LDLRAD4: variants seen among roughly 807,000 people sequenced by gnomAD.
The protein encoded by LDLRAD4 is low density lipoprotein receptor class A domain containing 4.
In LDLRAD4, 5 loss-of-function variants were observed where a neutral mutation model predicts 17.0. The observed-to-expected ratio is 0.29, with a 90% CI of 0.15 to 0.62. The LOEUF (loss-of-function observed/expected upper bound fraction) is 0.62, where lower values mean the gene tolerates loss of function less well. Among genes scored for constraint, LDLRAD4 ranks in the 20% least tolerant of loss-of-function variants. The probability of loss-of-function intolerance (pLI) is 0.84; values close to 1 mark genes in which losing one functional copy is unlikely to be tolerated. For synonymous variants in LDLRAD4, 168 were observed against 171.8 expected (o/e 0.98, Z 0.17); for missense variants, 340 against 424.7 (o/e 0.80, Z 1.75).
At chr18:13,377,038 G>C (rs1385197264) in intron 1 of LDLRAD4, among the ~76,000 whole-genome samples, 1 of 152,190 alleles carries the variant, frequency 6.6e-6, no homozygotes, top group African/African-American at 2.4e-5. Flanking sequence ...GGCCTTGCAG[G>C]AAGTCAGGAA....
At chr18:13,527,535 T>C (rs1348065279) in intron 3 of LDLRAD4, among the ~76,000 whole-genome samples, 2 of 152,290 alleles carry the variant, frequency 1.3e-5, no homozygotes, top group African/African-American at 2.4e-5. Context: ...GCTGACCCAA[T>C]GTGAGCCTCT....
At chr18:13,247,745 G>A (rs1468336511) in intron 1 of LDLRAD4, among the ~76,000 whole-genome samples, 3 of 152,126 alleles carry the variant, frequency 2.0e-5, no homozygotes, top group African/African-American at 7.2e-5. Context: ...TGTTCTTGCT[G>A]ATGGCGCTCC....
intron 1 of LDLRAD4, among the ~76,000 whole-genome samples, chr18:13,318,710 G>A (rs929274622): frequency 6.6e-6 from 1 of 152,162 alleles, no homozygotes; most frequent in Non-Finnish European, 1.5e-5. Flanking sequence ...GCCAGTGGAC[G>A]GGAGGTGGCC....
chr18:13,296,593 T>G (rs12958441), intron 1 of LDLRAD4, among the ~76,000 whole-genome samples: 1 of 149,150 alleles, frequency 6.7e-6, no homozygotes, highest in Non-Finnish European at 1.5e-5. Flanking sequence ...TTTTTTTTTT[T>G]AAAGAACTCT....
At chr18:13,310,937 C>G (rs1274975948) in intron 1 of LDLRAD4, among the ~76,000 whole-genome samples, 1 of 152,074 alleles carries the variant, frequency 6.6e-6, no homozygotes, top group East Asian at 1.9e-4. Flanking sequence ...AAGTTCAATC[C>G]CTGTTACATC....
intron 3 of LDLRAD4, among the ~76,000 whole-genome samples, chr18:13,484,628 A>T (rs1341320819): frequency 6.6e-6 from 1 of 152,106 alleles, no homozygotes; most frequent in Non-Finnish European, 1.5e-5. Flanking sequence ...TGTCTCAAAA[A>T]ACAAGACCAA....
intron 2 of LDLRAD4, among the ~76,000 whole-genome samples, chr18:13,417,765 C>T (rs559267673): frequency 2.0e-5 from 3 of 152,204 alleles, no homozygotes; most frequent in Admixed American, 6.5e-5. Context: ...CATAATCATG[C>T]TCCCTTACAG....
chr18:13,422,621 C>T (rs547396586), intron 2 of LDLRAD4, among the ~76,000 whole-genome samples: 12 of 152,128 alleles, frequency 7.9e-5, no homozygotes, highest in Non-Finnish European at 1.6e-4. Flanking sequence ...TGGCTTGAGC[C>T]CAGGTGTTGG....
intron 1 of LDLRAD4, among the ~76,000 whole-genome samples, chr18:13,374,062 A>G (rs2084711706): frequency 1.3e-5 from 2 of 152,340 alleles, no homozygotes; most frequent in Admixed American, 6.5e-5. Flanking sequence ...ACCACGTGGA[A>G]TTTGCTTTTA....
chr18:13,293,037 A>G (rs1459853674), intron 1 of LDLRAD4, among the ~76,000 whole-genome samples: 1 of 152,218 alleles, frequency 6.6e-6, no homozygotes, highest in Non-Finnish European at 1.5e-5. Flanking sequence ...AATGCTGTGA[A>G]CCTTCACTGC....
At chr18:13,600,791 A>T (rs1284686389) in intron 3 of LDLRAD4, among the ~76,000 whole-genome samples, 1 of 152,122 alleles carries the variant, frequency 6.6e-6, no homozygotes, top group Non-Finnish European at 1.5e-5. Flanking sequence ...AAGCTTGTAA[A>T]TTTTTTTAAA....
intron 1 of LDLRAD4, among the ~76,000 whole-genome samples, chr18:13,331,852 G>A (rs774290495): frequency 3.3e-5 from 5 of 152,032 alleles, no homozygotes; most frequent in Non-Finnish European, 5.9e-5. Flanking sequence ...AAGTATCTTC[G>A]GAATTTTCTT....
intron 3 of LDLRAD4, among the ~76,000 whole-genome samples, chr18:13,559,391 A>T (rs777862014): frequency 6.6e-6 from 1 of 152,182 alleles, no homozygotes; most frequent in Non-Finnish European, 1.5e-5. Flanking sequence ...TGGACACTTC[A>T]GCCAAGTTAT....
At chr18:13,639,825 T>A (rs2042372724) in intron 4 of LDLRAD4, among the ~76,000 whole-genome samples, 1 of 152,196 alleles carries the variant, frequency 6.6e-6, no homozygotes, top group Non-Finnish European at 1.5e-5. Flanking sequence ...TAGTCATAAT[T>A]TTTGTTATAT....
intron 3 of LDLRAD4, among the ~76,000 whole-genome samples, chr18:13,545,490 C>T (rs950570383): frequency 6.6e-6 from 1 of 152,142 alleles, no homozygotes; most frequent in South Asian, 2.1e-4. Context: ...CATTGACCAG[C>T]GAGAGAATCA....
chr18:13,612,562 G>T, intron 3 of LDLRAD4: 1 of 1,383,594 alleles, frequency 7.2e-7, no homozygotes, highest in South Asian at 1.5e-5. Flanking sequence ...CCCCCTCCAC[G>T]CTCACACACT....
In LDLRAD4 at chr18:13,282,888, A is replaced by G. The variant is rs1012649037; in HGVS notation, c.-383+4700A>G. Among the ~76,000 whole-genome samples the G allele has an allele frequency of 2.0e-5, 3 of 152,236 alleles. No homozygotes were observed. In the East Asian group the frequency reaches 5.8e-4, roughly 29 times the overall value. On this transcript the variant is annotated intron_variant, in intron 1 of 5. Transcript: ENST00000359446. ...CCTGGGCATCTAGGCATTTCCATAC[A>G]TCTTCTGAAATCTAGGCGGAGGTTC...
chr18:13,536,782 A>G (rs2147891163), intron 3 of LDLRAD4, among the ~76,000 whole-genome samples: 1 of 152,276 alleles, frequency 6.6e-6, no homozygotes, highest in East Asian at 1.9e-4. Flanking sequence ...TTTTAATCAG[A>G]TTGAGGAAGT....
At chr18:13,644,637 A>T (rs1301991538) in intron 5 of LDLRAD4, among the ~76,000 whole-genome samples, 5 of 152,042 alleles carry the variant, frequency 3.3e-5, no homozygotes, top group African/African-American at 1.2e-4. Flanking sequence ...TACTTTTCTG[A>T]ACCATAGGTT....
Sources: gnomAD v4.1 joint callset for allele counts (sites outside exome capture counted in the v4.1 genomes callset) on GRCh38, gnomAD v4.1.1 for gene constraint, MANE v1.5 for transcripts, NCBI Gene and HGNC (gene_info 2026-07-23, HGNC 2026-07-21) for gene names.